NKAIN3: variants seen among roughly 807,000 people sequenced by gnomAD.
The protein encoded by NKAIN3 is sodium/potassium-transporting ATPase subunit beta-1-interacting protein 3.
NKAIN3 carries 25 observed loss-of-function variants against 30.2 expected under a neutral mutation model. The ratio of observed to expected loss-of-function variants is 0.83; its 90% CI spans 0.60 to 1.16. The LOEUF is 1.16. NKAIN3 is among the 50% of genes most tolerant of loss of function. NKAIN3 has a pLI of 0.00. For missense variants in NKAIN3, 225 were observed against 254.1 expected, an observed-to-expected ratio of 0.89 and a Z score of 0.78; for synonymous variants, 91 against 89.6, an observed-to-expected ratio of 1.02 and a Z score of -0.09.
chr8:62,426,128 G>A (rs1804800083), intron 1 of NKAIN3, among the ~76,000 whole-genome samples: 1 of 151,964 alleles, frequency 6.6e-6, no homozygotes, highest in African/African-American at 2.4e-5. Context: ...GTCAATAGCG[G>A]TTCAAGTCTT....
At chr8:62,682,568 G>A (rs1043583821) in intron 3 of NKAIN3, among the ~76,000 whole-genome samples, 9 of 152,160 alleles carry the variant, frequency 5.9e-5, no homozygotes, top group Admixed American at 5.9e-4. Context: ...TCTCAGTCAG[G>A]AGGCTGGTAG....
At chr8:62,723,383 T>C (rs1815157597) in intron 3 of NKAIN3, among the ~76,000 whole-genome samples, 1 of 152,132 alleles carries the variant, frequency 6.6e-6, no homozygotes, top group South Asian at 2.1e-4. Flanking sequence ...GATTTATAAG[T>C]ACACCAAACT....
chr8:62,363,009 CTTGTCTA>C (rs1237170488), intron 1 of NKAIN3, among the ~76,000 whole-genome samples: 1 of 152,108 alleles, frequency 6.6e-6, no homozygotes, highest in East Asian at 1.9e-4. Context: ...GGTTTTCAGT[CTTGTCTA>C]CCTATTAAGT....
intron 4 of NKAIN3, among the ~76,000 whole-genome samples, chr8:62,826,284 T>TTG (rs144596995): frequency 4.7e-5 from 7 of 148,696 alleles, no homozygotes; most frequent in East Asian, 1.9e-4. Context: ...GTGTGAGTGT[T>TTG]TGTGTGTGTG....
intron 4 of NKAIN3, among the ~76,000 whole-genome samples, chr8:62,861,163 T>A (rs1222068474): frequency 6.6e-6 from 1 of 152,146 alleles, no homozygotes; most frequent in African/African-American, 2.4e-5. Context: ...CATGACAGAA[T>A]TGGAAACCTC....
chr8:62,979,111 T>G lies in NKAIN3; in HGVS notation c.*13704T>G, dbSNP rs1052552343. On this transcript the variant is annotated 3_prime_UTR_variant, in exon 7 of 7. Transcript: ENST00000623646. ...GTTGGAAATGCAGAAATCACCCACT[T>G]TCTGTGTTGGTCTTGCTGGGAGCTG... The G allele has an allele frequency of 1.3e-5, 2 of 152,214 alleles. No individual in the cohort carries two copies. Among genetic ancestry groups the G allele is most frequent in the South Asian group, 4.2e-4 (2 of 4,808 alleles). The allele number at this position is 152,214 out of a possible 1,614,324, so 9.4% of individuals were successfully genotyped here. A position where few individuals can be genotyped will look rare whatever the true frequency, so the allele number is the denominator to read the frequency against.
chr8:62,595,463 G>T (rs1291078996), intron 3 of NKAIN3, among the ~76,000 whole-genome samples: 1 of 145,520 alleles, frequency 6.9e-6, no homozygotes, highest in Non-Finnish European at 1.5e-5. Flanking sequence ...CAAAGGGAGG[G>T]GACCCAAAGG....
chr8:62,906,335 C>T (rs151040709), intron 4 of NKAIN3, among the ~76,000 whole-genome samples: 5 of 152,302 alleles, frequency 3.3e-5, no homozygotes, highest in African/African-American at 1.2e-4. Flanking sequence ...CATATAGAAG[C>T]TTTCTATTCA....
intron 1 of NKAIN3, among the ~76,000 whole-genome samples, chr8:62,544,692 C>T (rs78655528): frequency 0.017 from 2,488 of 149,824 alleles, 66 homozygotes; most frequent in African/African-American, 0.057. Flanking sequence ...AGACATCCTT[C>T]TAAGTGTTTA....
At chr8:62,685,677 G>T (rs1170019496) in intron 3 of NKAIN3, among the ~76,000 whole-genome samples, 1 of 152,142 alleles carries the variant, frequency 6.6e-6, no homozygotes, top group Non-Finnish European at 1.5e-5. Flanking sequence ...GCCCCAAGAG[G>T]TTTAATTGGG....
chr8:62,628,854 T>A (rs1288868577), intron 3 of NKAIN3, among the ~76,000 whole-genome samples: 1 of 152,162 alleles, frequency 6.6e-6, no homozygotes. Context: ...GCAACCTCTA[T>A]GAGGGCAAAG....
intron 3 of NKAIN3, among the ~76,000 whole-genome samples, chr8:62,692,163 A>C (rs1022227824): frequency 4.6e-5 from 7 of 152,138 alleles, no homozygotes; most frequent in South Asian, 2.1e-4. Flanking sequence ...CACATTTCTC[A>C]TTCTGTTGGC....
chr8:62,724,345 G>A (rs1476811373), intron 3 of NKAIN3, among the ~76,000 whole-genome samples: 1 of 152,012 alleles, frequency 6.6e-6, no homozygotes. Context: ...GAGTAAATGA[G>A]ATATCCATCA....
At chr8:62,552,343 C>G (rs1448864487) in intron 1 of NKAIN3, among the ~76,000 whole-genome samples, 1 of 152,158 alleles carries the variant, frequency 6.6e-6, no homozygotes, top group Non-Finnish European at 1.5e-5. Flanking sequence ...CTGATAATCC[C>G]TCGATGGAGA....
chr8:62,446,073 C>G (rs1329555087), intron 1 of NKAIN3, among the ~76,000 whole-genome samples: 1 of 152,134 alleles, frequency 6.6e-6, no homozygotes, highest in Non-Finnish European at 1.5e-5. Flanking sequence ...CCTGAAACAT[C>G]TTCTGTTCTA....
chr8:62,697,016 G>T (rs1394419625), intron 3 of NKAIN3, among the ~76,000 whole-genome samples: 2 of 152,054 alleles, frequency 1.3e-5, no homozygotes, highest in Non-Finnish European at 2.9e-5. Context: ...CTTCCTTTTT[G>T]CAGGGAATAA....
intron 1 of NKAIN3, among the ~76,000 whole-genome samples, chr8:62,303,489 A>ATTGCAG (rs1468355340): frequency 6.6e-6 from 1 of 150,674 alleles, no homozygotes; most frequent in Non-Finnish European, 1.5e-5. Flanking sequence ...GATTGTCTTA[A>ATTGCAG]AATGAAGACT....
intron 1 of NKAIN3, among the ~76,000 whole-genome samples, chr8:62,556,315 G>C (rs1809384198): frequency 1.3e-5 from 2 of 151,606 alleles, no homozygotes. Context: ...ACCTTTTGTA[G>C]GGTAACTAAA....
intron 5 of NKAIN3, among the ~76,000 whole-genome samples, chr8:62,921,569 A>G (rs896157366): frequency 6.6e-6 from 1 of 152,218 alleles, no homozygotes; most frequent in Non-Finnish European, 1.5e-5. Context: ...TATAAAGATT[A>G]TGATTGCAGG....
Sources: gnomAD v4.1 joint callset for allele counts (sites outside exome capture counted in the v4.1 genomes callset) on GRCh38, gnomAD v4.1.1 for gene constraint, MANE v1.5 for transcripts, NCBI Gene and HGNC (gene_info 2026-07-23, HGNC 2026-07-21) for gene names.